CDH12: variants seen among roughly 807,000 people sequenced by gnomAD.
CDH12 encodes cadherin-12.
Under a neutral mutation model 74.1 loss-of-function variants are expected in CDH12, and 41 were observed. That is an observed-to-expected ratio of 0.55 (90% CI 0.43 to 0.72). CDH12 has a LOEUF of 0.72. Ranked by LOEUF, CDH12 falls within the 30% of genes least tolerant of loss-of-function variation. The pLI, the probability that CDH12 is intolerant of heterozygous loss-of-function variation, is 0.00. For missense variants in CDH12, 945 were observed against 977.2 expected (o/e 0.97, Z 0.44); for synonymous variants, 399 against 355.0 (o/e 1.12, Z -1.39).
At chr5:22,109,469 A>G (rs1440532169) in intron 4 of CDH12, among the ~76,000 whole-genome samples, 2 of 152,154 alleles carry the variant, frequency 1.3e-5, no homozygotes, top group Non-Finnish European at 2.9e-5. Flanking sequence ...CAAGCACAAA[A>G]CATGCTGATA....
chr5:22,257,267 T>A (rs1753351282), intron 3 of CDH12, among the ~76,000 whole-genome samples: 1 of 151,548 alleles, frequency 6.6e-6, no homozygotes. Flanking sequence ...CACAACAAAC[T>A]CCATGAAAAA....
chr5:22,026,605 T>G (rs1738376982), intron 5 of CDH12, among the ~76,000 whole-genome samples: 1 of 152,178 alleles, frequency 6.6e-6, no homozygotes. Context: ...GCTTTCATTA[T>G]GCTTCTAATG....
chr5:22,839,106 C>A (rs1353817436), intron 1 of CDH12, among the ~76,000 whole-genome samples: 1 of 152,050 alleles, frequency 6.6e-6, no homozygotes, highest in Non-Finnish European at 1.5e-5. Context: ...CTTATTCTTT[C>A]TATTGCTTTC....
At chr5:21,941,715 G>C (rs1352657699) in intron 6 of CDH12, among the ~76,000 whole-genome samples, 1 of 152,030 alleles carries the variant, frequency 6.6e-6, no homozygotes, top group Non-Finnish European at 1.5e-5. Context: ...ATCATACAAC[G>C]GAAAGGGAGT....
At chr5:21,797,249 G>A (rs1746838719) in intron 10 of CDH12, among the ~76,000 whole-genome samples, 1 of 151,898 alleles carries the variant, frequency 6.6e-6, no homozygotes, top group Admixed American at 6.6e-5. Flanking sequence ...AATACCCAAG[G>A]TCCTAAATTA....
At chr5:22,789,270 A>T (rs1245368518) in intron 1 of CDH12, among the ~76,000 whole-genome samples, 1 of 152,096 alleles carries the variant, frequency 6.6e-6, no homozygotes, top group Non-Finnish European at 1.5e-5. Flanking sequence ...TTCCACCAAT[A>T]GTATGTCACA....
chr5:22,311,184 T>C (rs1738373313), intron 3 of CDH12, among the ~76,000 whole-genome samples: 1 of 152,214 alleles, frequency 6.6e-6, no homozygotes, highest in Non-Finnish European at 1.5e-5. Context: ...AGCTTAAGGA[T>C]TGCAACTGAA....
Position 22,641,450 on chromosome 5 carries a change from A to G in CDH12, c.-522-136086T>C, listed in dbSNP as rs181171942. On this transcript the variant is annotated intron_variant, in intron 1 of 14. Transcript: ENST00000382254. ...GTTGATGGTGCCTGTCCTCATAGAG[A>G]GCAGATCTTCCCCACTTGGTCTGCT... Among the ~76,000 whole-genome samples, 552 of 152,102 alleles carry G rather than the reference A, an allele frequency of 3.6e-3. 1 individual carries two copies. Among genetic ancestry groups the G allele is most frequent in the African/African-American group, 0.01 (426 of 41,508 alleles).
chr5:22,687,977 G>C (rs1741898545), intron 1 of CDH12, among the ~76,000 whole-genome samples: 1 of 152,026 alleles, frequency 6.6e-6, no homozygotes, highest in African/African-American at 2.4e-5. Context: ...ATTTTTGAAA[G>C]ATGCCTTGAG....
intron 2 of CDH12, among the ~76,000 whole-genome samples, chr5:22,454,405 C>A (rs186404036): frequency 9.3e-4 from 142 of 152,222 alleles, no homozygotes; most frequent in African/African-American, 2.8e-3. Flanking sequence ...GTGGGAAAAC[C>A]CTTACTTGGT....
chr5:22,219,406 T>C lies in CDH12; in HGVS notation c.-332-6763A>G, dbSNP rs188400523. Among the ~76,000 whole-genome samples, 379 of 151,846 alleles carry C rather than the reference T, an allele frequency of 2.5e-3. 1 individual carries two copies. The highest frequency in any genetic ancestry group is 8.6e-3 in the African/African-American group (359 of 41,526). ...CTCTGAATACCATATTTCATTCTCC[T>C]CTCAGTTATACTGACTGTAATACCC... On this transcript the variant is annotated intron_variant, in intron 3 of 14. Transcript: ENST00000382254.
chr5:21,763,762 C>T (rs1401325162), intron 12 of CDH12, among the ~76,000 whole-genome samples: 1 of 152,074 alleles, frequency 6.6e-6, no homozygotes, highest in Non-Finnish European at 1.5e-5. Flanking sequence ...GAAAAAATGG[C>T]AACCTACCAC....
intron 1 of CDH12, among the ~76,000 whole-genome samples, chr5:22,670,888 A>AT (rs901949026): frequency 4.0e-5 from 6 of 151,670 alleles, no homozygotes; most frequent in East Asian, 3.9e-4. Flanking sequence ...AGCAGGTTTT[A>AT]TTTTTTTTCT....
At chr5:22,326,206 G>A (rs934057617) in intron 3 of CDH12, among the ~76,000 whole-genome samples, 8 of 150,964 alleles carry the variant, frequency 5.3e-5, no homozygotes, top group African/African-American at 1.9e-4. Flanking sequence ...ATTTCAGCAG[G>A]ACTGTAATTT....
intron 4 of CDH12, among the ~76,000 whole-genome samples, chr5:22,133,999 A>G (rs1454682313): frequency 6.6e-6 from 1 of 152,252 alleles, no homozygotes; most frequent in Non-Finnish European, 1.5e-5. Flanking sequence ...TGCAGTTTGC[A>G]CAGGGAAAAC....
intron 3 of CDH12, among the ~76,000 whole-genome samples, chr5:22,266,213 C>CA (rs1342545517): frequency 6.6e-6 from 1 of 151,904 alleles, no homozygotes; most frequent in Non-Finnish European, 1.5e-5. Context: ...GTAGCTGGGA[C>CA]AACAGGCACT....
chr5:22,303,370 T>G (rs913014048), intron 3 of CDH12, among the ~76,000 whole-genome samples: 1 of 152,114 alleles, frequency 6.6e-6, no homozygotes, highest in South Asian at 2.1e-4. Context: ...TTATTTTGAT[T>G]ACATCATTAA....
chr5:22,397,085 C>T (rs531743845), intron 3 of CDH12, among the ~76,000 whole-genome samples: 60 of 152,140 alleles, frequency 3.9e-4, no homozygotes, highest in African/African-American at 8.4e-4. Context: ...TGGCCACCTC[C>T]TAAAAAGACA....
At chr5:22,540,730 C>A (rs1488641505) in intron 1 of CDH12, among the ~76,000 whole-genome samples, 2 of 152,130 alleles carry the variant, frequency 1.3e-5, no homozygotes, top group East Asian at 3.9e-4. Context: ...AGGTGTACAG[C>A]CCCTGCATCT....
Sources: allele counts gnomAD v4.1 joint callset (sites outside exome capture counted in the v4.1 genomes callset), GRCh38; gene constraint gnomAD v4.1.1; transcripts MANE v1.5; gene names NCBI Gene and HGNC (gene_info 2026-07-23, HGNC 2026-07-21).